PRKCQ: variants seen among roughly 807,000 people sequenced by gnomAD.
The protein encoded by PRKCQ is protein kinase C theta type.
In PRKCQ, 41 loss-of-function variants were observed where a neutral mutation model predicts 91.2. That is an observed-to-expected ratio of 0.45 (90% CI 0.35 to 0.58). The LOEUF (loss-of-function observed/expected upper bound fraction) is 0.58. Ranked by LOEUF, PRKCQ falls within the 20% of genes least tolerant of loss-of-function variation. The pLI, the probability that PRKCQ is intolerant of heterozygous loss-of-function variation, is 0.00. For synonymous variants in PRKCQ, 307 were observed against 316.9 expected, an observed-to-expected ratio of 0.97 and a Z score of 0.33; for missense variants, 673 against 896.5, an observed-to-expected ratio of 0.75 and a Z score of 3.18.
At chr10:6,395,617 G>T in the PRKCQ span, among the ~76,000 whole-genome samples, 1 of 152,158 alleles carries the variant, frequency 6.6e-6, no homozygotes, top group Non-Finnish European at 1.5e-5. Flanking sequence ...CTCTACAAAG[G>T]CAGTCTAGTC....
At chr10:6,578,961 A>G (rs75122443) in intron 1 of PRKCQ, among the ~76,000 whole-genome samples, 4,936 of 152,306 alleles carry the variant, frequency 0.032, 246 homozygotes, top group African/African-American at 0.1. Context: ...GCCTCGGGCA[A>G]GAAGGGCCCA....
intron 1 of PRKCQ, among the ~76,000 whole-genome samples, chr10:6,533,301 G>A (rs537468891): frequency 6.6e-6 from 1 of 152,254 alleles, no homozygotes; most frequent in Non-Finnish European, 1.5e-5. Context: ...GAGTTCAAGC[G>A]ATTCTCCTGT....
intron 1 of PRKCQ, among the ~76,000 whole-genome samples, chr10:6,558,388 A>T (rs542042500): frequency 1.3e-4 from 20 of 151,960 alleles, no homozygotes; most frequent in African/African-American, 4.4e-4. Flanking sequence ...TGTTTTTTTT[A>T]AAAAAGGCTT....
chr10:6,487,719 C>A (rs1837009116), intron 8 of PRKCQ, among the ~76,000 whole-genome samples: 1 of 152,060 alleles, frequency 6.6e-6, no homozygotes, highest in Admixed American at 6.5e-5. Flanking sequence ...CATTAAAGGC[C>A]AGGCGTGGTG....
chr10:6,438,616 G>A (rs1464321347), intron 16 of PRKCQ, among the ~76,000 whole-genome samples: 2 of 151,780 alleles, frequency 1.3e-5, no homozygotes, highest in Non-Finnish European at 2.9e-5. Flanking sequence ...TTGCGGGGGG[G>A]ACAGGGTCTT....
intron 15 of PRKCQ, among the ~76,000 whole-genome samples, chr10:6,449,630 G>A (rs1834535581): frequency 6.6e-6 from 1 of 152,100 alleles, no homozygotes; most frequent in East Asian, 1.9e-4. Flanking sequence ...ACACATAATT[G>A]TCAGATTCAC....
chr10:6,459,877 G>C (rs1835229687), intron 14 of PRKCQ, among the ~76,000 whole-genome samples: 1 of 152,206 alleles, frequency 6.6e-6, no homozygotes. Flanking sequence ...CAAAACTAAT[G>C]TATCAGTTTT....
At chr10:6,437,745 G>A (rs1469654621) in intron 16 of PRKCQ, among the ~76,000 whole-genome samples, 2 of 151,544 alleles carry the variant, frequency 1.3e-5, no homozygotes, top group African/African-American at 2.4e-5. Flanking sequence ...TCCGCCTCCC[G>A]GGTTCACACC....
chr10:6,521,086 G>A (rs748948789), intron 1 of PRKCQ, among the ~76,000 whole-genome samples: 1 of 152,258 alleles, frequency 6.6e-6, no homozygotes, highest in Non-Finnish European at 1.5e-5. Flanking sequence ...GAGTGCCAGC[G>A]CCCATGCTGC....
At chr10:6,450,024 A>G (rs1286538750) in intron 15 of PRKCQ, among the ~76,000 whole-genome samples, 1 of 151,320 alleles carries the variant, frequency 6.6e-6, no homozygotes, top group Non-Finnish European at 1.5e-5. Context: ...AACTGCATCA[A>G]CTAACGAGCA....
chr10:6,465,195 G>A lies in PRKCQ; in HGVS notation c.1354-791C>T, dbSNP rs1835581611. On this transcript the variant is annotated intron_variant, in intron 12 of 17. Coordinates refer to ENST00000263125, the MANE Select transcript of PRKCQ (RefSeq NM_006257.5). This position sits in a 1 kb window ranked among gnomAD's most constrained non-coding sequence, Gnocchi z 4.4. Reference sequence around the variant, plus strand: ...CTACTGAGCATATTCTGTGGGCGTGGCGTGGGGGGAGTGGGCGGGTCATGT... The same window carrying A: ...CTACTGAGCATATTCTGTGGGCGTGACGTGGGGGGAGTGGGCGGGTCATGT... Among the ~76,000 whole-genome samples the A allele has an allele frequency of 6.6e-6, 1 of 152,230 alleles. No homozygotes were observed. Among genetic ancestry groups the A allele is most frequent in the African/African-American group, 2.4e-5 (1 of 41,454 alleles).
At chr10:6,553,760 T>C (rs562298670) in intron 1 of PRKCQ, among the ~76,000 whole-genome samples, 1 of 152,308 alleles carries the variant, frequency 6.6e-6, no homozygotes, top group East Asian at 1.9e-4. Flanking sequence ...ATCTTCAACT[T>C]TGGCAGTTAC....
intron 1 of PRKCQ, among the ~76,000 whole-genome samples, chr10:6,572,999 T>G (rs551533190): frequency 7.9e-5 from 12 of 152,170 alleles, no homozygotes; most frequent in Admixed American, 2.6e-4. Flanking sequence ...ATATTGAGGG[T>G]TTTTTTTCCA....
At chr10:6,538,256 G>C (rs1839654550) in intron 1 of PRKCQ, among the ~76,000 whole-genome samples, 1 of 152,254 alleles carries the variant, frequency 6.6e-6, no homozygotes, top group African/African-American at 2.4e-5. Context: ...GGTGAGCTTG[G>C]AGGCGGCATT....
At chr10:6,404,154 G>C in the PRKCQ span, among the ~76,000 whole-genome samples, 2 of 149,458 alleles carry the variant, frequency 1.3e-5, no homozygotes, top group Non-Finnish European at 3.0e-5. Context: ...CCCTTTCCTT[G>C]CCAAGATTAG....
chr10:6,489,378 C>T (rs1040274490), intron 8 of PRKCQ: 5 of 522,234 alleles, frequency 9.6e-6, no homozygotes, highest in African/African-American at 7.7e-5. Context: ...CGAGAAGGTC[C>T]TAAGTCTTTG....
rs1833332425 is a variant in PRKCQ at position 6,430,028 on chromosome 10, T to C, written c.1965+782A>G. 1.3e-5 allele frequency among the ~76,000 whole-genome samples: 2 copies of C among 152,200 alleles called. No homozygotes were observed. The highest frequency in any genetic ancestry group is 4.1e-4 in the South Asian group (2 of 4,832). On this transcript the variant is annotated intron_variant, in intron 17 of 17. Transcript: ENST00000263125. This position sits in a 1 kb window ranked among gnomAD's most constrained non-coding sequence, Gnocchi z 4.7. ...CGCAACCATGCCCAGCTAATTTTTG[T>C]ATTTTTAGTAGAGACAAGGTTTCAC...
chr10:6,439,937 C>T (rs1564295401), intron 16 of PRKCQ, among the ~76,000 whole-genome samples: 1 of 152,142 alleles, frequency 6.6e-6, no homozygotes, highest in South Asian at 2.1e-4. Flanking sequence ...TGTCCCCACC[C>T]AGAATCTCAT....
At chr10:6,464,196 C>A in intron 13 of PRKCQ, 117 bp downstream of exon 13, 1 of 869,170 alleles carries the variant, frequency 1.2e-6, no homozygotes, top group Non-Finnish European at 1.9e-6. Flanking sequence ...TCGATGTATT[C>A]CCAAGGGTTC....
Sources: gnomAD v4.1 joint callset for allele counts (sites outside exome capture counted in the v4.1 genomes callset) on GRCh38, gnomAD v4.1.1 for gene constraint, Gnocchi (gnomAD v3.1) non-coding constraint, MANE v1.5 for transcripts, NCBI Gene and HGNC (gene_info 2026-07-23, HGNC 2026-07-21) for gene names.